The following CDH12 variants were observed in gnomAD, a reference collection of about 807,000 sequenced individuals.
CDH12 encodes cadherin-12.
In CDH12, 41 loss-of-function variants were observed where a neutral mutation model predicts 74.1. The ratio of observed to expected loss-of-function variants is 0.55; its 90% CI spans 0.43 to 0.72. CDH12 has a LOEUF of 0.72. Ranked by LOEUF, CDH12 falls within the 30% of genes least tolerant of loss-of-function variation. The pLI is 0.00. For synonymous variants in CDH12, 399 were observed against 355.0 expected (o/e 1.12, Z -1.39); for missense variants, 945 against 977.2 (o/e 0.97, Z 0.44).
chr5:21,973,615 C>T (rs1377444677), intron 6 of CDH12, among the ~76,000 whole-genome samples: 3 of 152,122 alleles, frequency 2.0e-5, no homozygotes, highest in African/African-American at 7.2e-5. Context: ...TTTAAGGAAG[C>T]TGTTTTGGTA....
chr5:21,938,575 CT>C (rs1755175883), intron 6 of CDH12, among the ~76,000 whole-genome samples: 1 of 149,490 alleles, frequency 6.7e-6, no homozygotes, highest in African/African-American at 2.5e-5. Flanking sequence ...ATCAAAGCCT[CT>C]TCTGAAGAAG....
chr5:21,903,695 T>C (rs1323827573), intron 6 of CDH12, among the ~76,000 whole-genome samples: 1 of 152,040 alleles, frequency 6.6e-6, no homozygotes, highest in Non-Finnish European at 1.5e-5. Flanking sequence ...ATAGAAGTCT[T>C]TTCTGGATAG....
intron 8 of CDH12, among the ~76,000 whole-genome samples, chr5:21,838,405 A>T (rs906748126): frequency 1.3e-5 from 2 of 151,986 alleles, no homozygotes; most frequent in Non-Finnish European, 1.5e-5. Context: ...AATAAAAATT[A>T]AAAAATTAGC....
chr5:22,693,215 T>A lies in CDH12; in HGVS notation c.-523+159843A>T, dbSNP rs182394133. ...CATGTCTTATGACGGTTCTATTTAA[T>A]TGGCAAGGGAAAAGTCATTTTGTCT... On this transcript the variant is annotated intron_variant, in intron 1 of 14. Transcript: ENST00000382254. Among the ~76,000 whole-genome samples, 5 of 152,322 alleles carry A rather than the reference T, an allele frequency of 3.3e-5. No homozygotes were observed. The East Asian group carries it at 9.7e-4, about 29-fold the overall frequency.
intron 1 of CDH12, chr5:22,580,259 A>T: frequency 2.8e-6 from 1 of 355,876 alleles, no homozygotes; most frequent in Non-Finnish European, 5.6e-6. Flanking sequence ...CATGTCTCAG[A>T]TAATCATTCA....
At chr5:22,234,083 A>T (rs893064425) in intron 3 of CDH12, among the ~76,000 whole-genome samples, 6 of 152,200 alleles carry the variant, frequency 3.9e-5, no homozygotes, top group South Asian at 2.1e-4. Context: ...TCCTCTTTTT[A>T]AAAAAATAAA....
intron 8 of CDH12, among the ~76,000 whole-genome samples, chr5:21,841,190 G>A (rs1241946428): frequency 6.6e-6 from 1 of 151,912 alleles, no homozygotes; most frequent in African/African-American, 2.4e-5. Context: ...ATCAAAAAGT[G>A]GGCAAAGGAT....
At chr5:22,311,530 C>T (rs1263800913) in intron 3 of CDH12, among the ~76,000 whole-genome samples, 2 of 151,816 alleles carry the variant, frequency 1.3e-5, no homozygotes, top group South Asian at 4.1e-4. Context: ...GGTGAAACCT[C>T]ATCTCTACTA....
intron 2 of CDH12, among the ~76,000 whole-genome samples, chr5:22,418,015 G>T (rs1194521971): frequency 1.3e-5 from 2 of 152,088 alleles, no homozygotes; most frequent in African/African-American, 4.8e-5. Flanking sequence ...AATAGGGATA[G>T]CTTTGAATCT....
intron 2 of CDH12, among the ~76,000 whole-genome samples, chr5:22,491,191 T>A (rs1160478198): frequency 6.6e-6 from 1 of 152,192 alleles, no homozygotes; most frequent in African/African-American, 2.4e-5. Context: ...TGTTCCCATC[T>A]TTGTGCCCAT....
rs186117354 is a variant in CDH12, at chr5:22,287,876, C to T, written c.-332-75233G>A. Among the ~76,000 whole-genome samples, 63 of 152,160 alleles carry T rather than the reference C, an allele frequency of 4.1e-4. 1 individual carries two copies. The South Asian group carries it at 6.8e-3, about 17-fold the overall frequency. ...AAGACTGTTATCAAGATGATGCTTA[C>T]TAACAGGTTTCTAGAGAAGGGTGTC... is the stretch of plus-strand genomic sequence containing the variant. On this transcript the variant is annotated intron_variant, in intron 3 of 14. Transcript: ENST00000382254.
At chr5:21,785,125 T>C (rs1354104107) in intron 10 of CDH12, among the ~76,000 whole-genome samples, 1 of 152,214 alleles carries the variant, frequency 6.6e-6, no homozygotes, top group Non-Finnish European at 1.5e-5. Context: ...TGATCAGTGA[T>C]ACTTGATGTT....
At chr5:22,796,023 T>C (rs1748187817) in intron 1 of CDH12, among the ~76,000 whole-genome samples, 1 of 152,134 alleles carries the variant, frequency 6.6e-6, no homozygotes, top group Non-Finnish European at 1.5e-5. Flanking sequence ...AAAAATTACA[T>C]GAGTTTGTTT....
intron 5 of CDH12, among the ~76,000 whole-genome samples, chr5:22,055,366 A>G (rs1201172601): frequency 2.0e-5 from 3 of 152,192 alleles, no homozygotes; most frequent in African/African-American, 7.2e-5. Flanking sequence ...TTGTAAATCT[A>G]TACAATTGAA....
chr5:22,555,784 TACCCC>T (rs1738777089), intron 1 of CDH12, among the ~76,000 whole-genome samples: 1 of 152,034 alleles, frequency 6.6e-6, no homozygotes, highest in African/African-American at 2.4e-5. Flanking sequence ...TTTCTGTTTA[TACCCC>T]ACATTATATC....
chr5:21,986,251 T>C (rs915153964), intron 5 of CDH12, among the ~76,000 whole-genome samples: 8 of 152,228 alleles, frequency 5.3e-5, no homozygotes, highest in African/African-American at 1.9e-4. Flanking sequence ...GCTTATGTGC[T>C]AGGATATATT....
At chr5:22,771,379 T>C (rs1746797204) in intron 1 of CDH12, among the ~76,000 whole-genome samples, 1 of 152,184 alleles carries the variant, frequency 6.6e-6, no homozygotes, top group South Asian at 2.1e-4. Flanking sequence ...AGAAGAAGGA[T>C]ATAAAACCTG....
chr5:22,467,028 G>T (rs558665944), intron 2 of CDH12, among the ~76,000 whole-genome samples: 1 of 151,518 alleles, frequency 6.6e-6, no homozygotes, highest in African/African-American at 2.4e-5. Context: ...CTCGTGATCC[G>T]CCCACCTCGG....
chr5:22,288,359 G>A (rs1290902758), intron 3 of CDH12, among the ~76,000 whole-genome samples: 9 of 152,062 alleles, frequency 5.9e-5, no homozygotes, highest in Admixed American at 6.6e-5. Flanking sequence ...AATGTTAATA[G>A]CATTACATAT....
Sources: gnomAD v4.1 joint callset for allele counts (sites outside exome capture counted in the v4.1 genomes callset) on GRCh38, gnomAD v4.1.1 for gene constraint, MANE v1.5 for transcripts, NCBI Gene and HGNC (gene_info 2026-07-23, HGNC 2026-07-21) for gene names.